CDH3: variants seen among roughly 807,000 people sequenced by gnomAD.
The protein encoded by CDH3 is cadherin 3.
CDH3 carries 54 observed loss-of-function variants against 82.0 expected under a neutral mutation model. The observed-to-expected ratio is 0.66, with a 90% CI of 0.53 to 0.83. The LOEUF (loss-of-function observed/expected upper bound fraction) is 0.83, where lower values mean the gene tolerates loss of function less well. CDH3 is among the 40% of genes least tolerant of loss of function. CDH3 has a pLI of 0.00. For missense variants in CDH3, 1,054 were observed against 1,084.6 expected (o/e 0.97, Z 0.40); for synonymous variants, 446 against 437.9 (o/e 1.02, Z -0.23).
chr16:68,659,650 C>G (rs1318158655), intron 2 of CDH3, among the ~76,000 whole-genome samples: 1 of 151,108 alleles, frequency 6.6e-6, no homozygotes, highest in African/African-American at 2.4e-5. Context: ...CACCACTGTA[C>G]TGTAGCCTGG....
At chr16:68,714,646 C>T (rs1962070695) in intron 1 of CDH3, among the ~76,000 whole-genome samples, 1 of 152,210 alleles carries the variant, frequency 6.6e-6, no homozygotes, top group Admixed American at 6.5e-5. Flanking sequence ...CCGAAGGTCC[C>T]TGGTGATAGG....
rs576180784 is a variant in CDH3 at position 68,645,335 on chromosome 16, C to T, written c.-45C>T. 36 of 1,603,192 alleles carry T rather than the reference C, an allele frequency of 2.2e-5. 1 individual carries two copies. The South Asian group carries it at 2.3e-4, about 10-fold the overall frequency. ...AAAGGGGCAAGAGCTGAGCGGAACA[C>T]CGGCCCGCCGTCGCGGCAGCTGCTT... On this transcript the variant is annotated 5_prime_UTR_variant, in exon 1 of 16. Transcript: ENST00000264012.
chr16:68,731,535 CACACATAT>C (rs776643100), downstream of CDH3, among the ~76,000 whole-genome samples: 3,561 of 56,672 alleles, frequency 0.063, 187 homozygotes, highest in Non-Finnish European at 0.12. Flanking sequence ...CACACACACA[CACACATAT>C]ATATATATAC....
At chr16:68,721,865 A>G (rs1335573487) in intron 1 of CDH3, among the ~76,000 whole-genome samples, 1 of 152,084 alleles carries the variant, frequency 6.6e-6, no homozygotes, top group Non-Finnish European at 1.5e-5. Flanking sequence ...TGAGGCGGGC[A>G]GATCACTTGA....
At chr16:68,683,178 G>T (rs1394620584) in intron 9 of CDH3, among the ~76,000 whole-genome samples, 2 of 152,120 alleles carry the variant, frequency 1.3e-5, no homozygotes, top group East Asian at 3.9e-4. Flanking sequence ...GAGAAGCAGG[G>T]TATAAAATAT....
downstream of CDH3, among the ~76,000 whole-genome samples, chr16:68,731,661 AC>A (rs1962295196): frequency 6.7e-6 from 1 of 150,094 alleles, no homozygotes; most frequent in Non-Finnish European, 1.5e-5. Flanking sequence ...ACAAGATGAA[AC>A]CCCGTCTCTA....
At chr16:68,706,532 T>C (rs1961965996) in intron 1 of CDH3, among the ~76,000 whole-genome samples, 1 of 146,930 alleles carries the variant, frequency 6.8e-6, no homozygotes, top group African/African-American at 2.5e-5. Context: ...CTGGTTCTAG[T>C]AGTCACATTT....
At chr16:68,658,060 T>G (rs1351845675) in intron 2 of CDH3, among the ~76,000 whole-genome samples, 8 of 145,974 alleles carry the variant, frequency 5.5e-5, no homozygotes. Context: ...GTCTTTTTCT[T>G]TCTTTTTTTT....
intron 2 of CDH3, among the ~76,000 whole-genome samples, chr16:68,653,978 A>G (rs995601070): frequency 6.6e-6 from 1 of 151,866 alleles, no homozygotes; most frequent in African/African-American, 2.4e-5. Flanking sequence ...CGGCCTCCCA[A>G]AGTGCAGGGA....
downstream of CDH3, among the ~76,000 whole-genome samples, chr16:68,727,770 G>A (rs1311585720): frequency 5.3e-5 from 8 of 152,048 alleles, no homozygotes; most frequent in South Asian, 1.0e-3. Context: ...TTAGCCAGGC[G>A]TGGTAGTGCA....
At chr16:68,670,937 G>C (rs1274961627) in intron 2 of CDH3, among the ~76,000 whole-genome samples, 2 of 152,086 alleles carry the variant, frequency 1.3e-5, no homozygotes, top group African/African-American at 4.8e-5. Flanking sequence ...GCTGGGCGTG[G>C]TGGTGCACTC....
intron 2 of CDH3, among the ~76,000 whole-genome samples, chr16:68,670,153 G>T (rs1178356823): frequency 4.0e-5 from 6 of 149,220 alleles, no homozygotes; most frequent in African/African-American, 1.2e-4. Context: ...GAACCTAGAA[G>T]GCGGAGCTTG....
Position 68,682,300 on chromosome 16 carries a change from A to G in CDH3, c.997-2A>G, listed in dbSNP as rs751399209. The G allele has an allele frequency of 1.9e-6, 3 of 1,613,524 alleles. No homozygotes were observed. The East Asian group carries it at 6.7e-5, about 36-fold the overall frequency. On this transcript the variant is annotated splice_acceptor_variant, in intron 8 of 15. Transcript: ENST00000264012. LOFTEE classifies it high-confidence loss of function. ...ATAGTGCTGTGCTTCTCACACTGAC[A>G]GTACGAGGCCCATGTGCCTGAGAAT...
chr16:68,650,937 TAA>T (rs377604279), intron 2 of CDH3: 2,078 of 157,080 alleles, frequency 0.013, no homozygotes, highest in South Asian at 0.029. Flanking sequence ...TTGAACAGGT[TAA>T]AAAAAAAAAA....
chr16:68,676,924 AAAT>A (rs1216531417), intron 3 of CDH3, among the ~76,000 whole-genome samples: 1 of 152,202 alleles, frequency 6.6e-6, no homozygotes, highest in African/African-American at 2.4e-5. Flanking sequence ...CAAAAATAAA[AAAT>A]AATAATAAGC....
chr16:68,726,170 C>T (rs886793347), intron 2 of CDH3, among the ~76,000 whole-genome samples: 2 of 152,200 alleles, frequency 1.3e-5, no homozygotes, highest in African/African-American at 4.8e-5. Flanking sequence ...CTCCCTGCCT[C>T]TGCCATGAAA....
chr16:68,686,280 C>T (rs1961409183), intron 11 of CDH3: 1 of 673,392 alleles, frequency 1.5e-6, no homozygotes. Flanking sequence ...AGTGCACCTG[C>T]ACCCAGGCGG....
chr16:68,673,676 A>G (rs935295533), intron 2 of CDH3, among the ~76,000 whole-genome samples: 5 of 152,210 alleles, frequency 3.3e-5, no homozygotes, highest in African/African-American at 1.2e-4. Context: ...CTGTAATCCC[A>G]GCACTTTGGG....
intron 1 of CDH3, among the ~76,000 whole-genome samples, chr16:68,711,268 C>T (rs886770199): frequency 2.0e-5 from 3 of 148,926 alleles, no homozygotes; most frequent in African/African-American, 7.4e-5. Flanking sequence ...TGGGTTGCGG[C>T]ATTGCACTCC....
Sources: allele counts gnomAD v4.1 joint callset (sites outside exome capture counted in the v4.1 genomes callset), GRCh38; gene constraint gnomAD v4.1.1; transcripts MANE v1.5; gene names NCBI Gene and HGNC (gene_info 2026-07-23, HGNC 2026-07-21).